The following DLG2 variants were observed in gnomAD, a reference collection of about 807,000 sequenced individuals.
DLG2 encodes the protein disks large homolog 2.
In DLG2, 45 loss-of-function variants were observed where a neutral mutation model predicts 132.5. The observed-to-expected ratio is 0.34, with a 90% CI of 0.27 to 0.44. DLG2 has a LOEUF of 0.44. Among genes scored for constraint, DLG2 ranks in the 20% least tolerant of loss-of-function variants. The pLI, the probability that DLG2 is intolerant of heterozygous loss-of-function variation, is 1.00. For missense variants in DLG2, 1,045 were observed against 1,196.9 expected (o/e 0.87, Z 1.87); for synonymous variants, 424 against 419.6 (o/e 1.01, Z -0.13).
At chr11:84,527,422 T>C (rs2099324675) in intron 7 of DLG2, among the ~76,000 whole-genome samples, 1 of 152,188 alleles carries the variant, frequency 6.6e-6, no homozygotes, top group Non-Finnish European at 1.5e-5. Flanking sequence ...TCTCCTCCTA[T>C]AATTTCTCAA....
chr11:85,074,154 C>T (rs1483893797), intron 6 of DLG2, among the ~76,000 whole-genome samples: 1 of 151,808 alleles, frequency 6.6e-6, no homozygotes, highest in Non-Finnish European at 1.5e-5. Flanking sequence ...ATGCTCATTA[C>T]CAAGGTGATG....
intron 3 of DLG2, among the ~76,000 whole-genome samples, chr11:85,407,240 A>C (rs1432453517): frequency 6.6e-6 from 1 of 151,930 alleles, no homozygotes; most frequent in Admixed American, 6.6e-5. Flanking sequence ...CAAAATTTTT[A>C]GCAGAGAAGA....
chr11:83,940,926 A>G (rs1214115319), intron 14 of DLG2, among the ~76,000 whole-genome samples: 2 of 152,186 alleles, frequency 1.3e-5, no homozygotes, highest in Admixed American at 1.3e-4. Context: ...ACTACTATAG[A>G]TATTTAAATA....
intron 4 of DLG2, among the ~76,000 whole-genome samples, chr11:85,189,098 A>G (rs866098782): frequency 1.3e-5 from 2 of 152,330 alleles, no homozygotes; most frequent in African/African-American, 4.8e-5. Context: ...GATAAAAAAT[A>G]TGACTCATTA....
intron 6 of DLG2, among the ~76,000 whole-genome samples, chr11:84,951,439 G>A (rs2050898346): frequency 6.6e-6 from 1 of 152,056 alleles, no homozygotes; most frequent in Non-Finnish European, 1.5e-5. Flanking sequence ...CTTGGTATAT[G>A]TTTGTAATTA....
intron 18 of DLG2, among the ~76,000 whole-genome samples, chr11:83,758,013 T>A (rs1184749793): frequency 6.6e-6 from 1 of 152,190 alleles, no homozygotes; most frequent in African/African-American, 2.4e-5. Context: ...ACATAATTAT[T>A]ACAGAATTTA....
At chr11:85,070,675 G>C (rs1197172573) in intron 6 of DLG2, among the ~76,000 whole-genome samples, 1 of 151,744 alleles carries the variant, frequency 6.6e-6, no homozygotes, top group African/African-American at 2.4e-5. Flanking sequence ...TTACTACAAA[G>C]ACTGTGCTTC....
At chr11:84,007,920 G>A (rs1011138817) in intron 11 of DLG2, among the ~76,000 whole-genome samples, 6 of 151,718 alleles carry the variant, frequency 4.0e-5, no homozygotes, top group Admixed American at 2.0e-4. Flanking sequence ...TTCCAGTATT[G>A]AAAGGATATC....
chr11:83,605,262 C>G (rs2059179010), intron 19 of DLG2, among the ~76,000 whole-genome samples: 1 of 152,140 alleles, frequency 6.6e-6, no homozygotes, highest in South Asian at 2.1e-4. Context: ...GAGATGCTGC[C>G]TGATTCATGA....
chr11:83,496,799 A>G (rs1412689323), intron 21 of DLG2, among the ~76,000 whole-genome samples: 1 of 152,192 alleles, frequency 6.6e-6, no homozygotes, highest in African/African-American at 2.4e-5. Flanking sequence ...TCCATATATT[A>G]TCATGGTTGT....
chr11:84,880,450 A>G (rs2087121519), intron 6 of DLG2, among the ~76,000 whole-genome samples: 1 of 152,166 alleles, frequency 6.6e-6, no homozygotes, highest in Non-Finnish European at 1.5e-5. Flanking sequence ...TAGAGCTGGA[A>G]CAGCCTGAGA....
At chr11:85,358,631 T>C (rs1191305744) in intron 3 of DLG2, among the ~76,000 whole-genome samples, 3 of 152,248 alleles carry the variant, frequency 2.0e-5, no homozygotes, top group Admixed American at 6.5e-5. Flanking sequence ...TATATTGTCT[T>C]GCAGTGTTCC....
chr11:83,864,739 A>G (rs1480727230), intron 16 of DLG2, among the ~76,000 whole-genome samples: 1 of 152,162 alleles, frequency 6.6e-6, no homozygotes, highest in Non-Finnish European at 1.5e-5. Context: ...AAACTCTCTT[A>G]TAATTGGTCA....
chr11:84,223,990 A>G (rs1417023383), intron 8 of DLG2, among the ~76,000 whole-genome samples: 3 of 152,190 alleles, frequency 2.0e-5, no homozygotes, highest in Admixed American at 1.3e-4. Context: ...TTTCCACTCA[A>G]GGGTGAGGGT....
At chr11:84,760,004 A>G (rs1386301678) in intron 6 of DLG2, among the ~76,000 whole-genome samples, 1 of 152,170 alleles carries the variant, frequency 6.6e-6, no homozygotes, top group Non-Finnish European at 1.5e-5. Flanking sequence ...TACACGAAGG[A>G]AGAATCATTG....
In DLG2 at chr11:85,247,256, G is replaced by T. The variant is rs1184363839; in HGVS notation, c.186+37964C>A. 6.6e-5 allele frequency among the ~76,000 whole-genome samples: 10 copies of T among 152,040 alleles called. 1 individual carries two copies. The highest frequency in any genetic ancestry group is 6.6e-4 in the Admixed American group (10 of 15,236). ...TAAAGAAAAATAAATAAAGTTATTT[G>T]TATTTTTTATAATACTATGTGGTTA... On this transcript the variant is annotated intron_variant, in intron 4 of 27. Transcript: ENST00000376104.
intron 7 of DLG2, among the ~76,000 whole-genome samples, chr11:84,324,436 T>C (rs1397730327): frequency 6.6e-6 from 1 of 152,152 alleles, no homozygotes; most frequent in Non-Finnish European, 1.5e-5. Context: ...CCATAGTGTC[T>C]TGATTACTGT....
chr11:83,566,199 G>A (rs1182156129), intron 19 of DLG2, among the ~76,000 whole-genome samples: 1 of 152,088 alleles, frequency 6.6e-6, no homozygotes, highest in Non-Finnish European at 1.5e-5. Flanking sequence ...TTATTACACG[G>A]GAGCAGCTGG....
chr11:84,630,430 T>G (rs1221869621), intron 6 of DLG2, among the ~76,000 whole-genome samples: 1 of 152,222 alleles, frequency 6.6e-6, no homozygotes, highest in African/African-American at 2.4e-5. Context: ...TTTGCTGTGC[T>G]CTTAACTGCA....
Sources: gnomAD v4.1 joint callset for allele counts (sites outside exome capture counted in the v4.1 genomes callset) on GRCh38, gnomAD v4.1.1 for gene constraint, MANE v1.5 for transcripts, NCBI Gene and HGNC (gene_info 2026-07-23, HGNC 2026-07-21) for gene names.